The following OAS3 variants were observed in gnomAD, a reference collection of about 807,000 sequenced individuals.
OAS3 encodes the protein 2'-5'-oligoadenylate synthetase 3.
Under a neutral mutation model 113.0 loss-of-function variants are expected in OAS3, and 107 were observed. That is an observed-to-expected ratio of 0.95 (90% CI 0.81 to 1.11). OAS3 has a LOEUF of 1.11. Ranked by LOEUF, OAS3 falls within the 50% of genes most tolerant of loss-of-function variation. The pLI, the probability that OAS3 is intolerant of heterozygous loss-of-function variation, is 0.00. For synonymous variants in OAS3, 552 were observed against 573.6 expected, an observed-to-expected ratio of 0.96 and a Z score of 0.54; for missense variants, 1,258 against 1,389.1, an observed-to-expected ratio of 0.91 and a Z score of 1.50.
rs1460712828 is a variant in OAS3, at chr12:112,938,593, G to A, written c.63G>A (p.Pro21=). ...GGTTCGTGGCCAGAAGGCTGCAGCC[G>A]CGGAAGGAGTTCGTAGAGAAGGCGC... ...LDRFVARRLQ[P]RKEFVEKARR... is the part of the protein sequence containing the mutation. The change falls in exon 1 of 16, where the codon CCG becomes CCA. Residue 21 remains proline (P), a synonymous_variant. Coordinates refer to ENST00000228928, the MANE Select transcript of OAS3 (RefSeq NM_006187.4). 45 of 1,610,422 alleles carry A rather than the reference G, an allele frequency of 2.8e-5. No individual in the cohort carries two copies. The highest frequency in any genetic ancestry group is 3.7e-5 in the Non-Finnish European group (44 of 1,178,936).
chr12:112,971,796 G>A lies in OAS3; in HGVS notation c.*1823G>A, dbSNP rs886472554. On this transcript the variant is annotated 3_prime_UTR_variant, in exon 16 of 16. Coordinates refer to ENST00000228928, the MANE Select transcript of OAS3 (RefSeq NM_006187.4). ...TCTTTGGCTCAGCCTACAGAGACTA[G>A]AGTAGGTGAAGGGACAGAGGACAGG... 1 of 152,254 alleles carries A rather than the reference G, an allele frequency of 6.6e-6. No individual in the cohort carries two copies. The highest frequency in any genetic ancestry group is 1.5e-5 in the Non-Finnish European group (1 of 68,064). The allele number at this position is 152,254 out of a possible 1,614,324, so 9.4% of individuals were successfully genotyped here.
At chr12:112,967,304 G>A in intron 12 of OAS3, 114 bp from the exon 13 acceptor site, 2 of 1,027,450 alleles carry the variant, frequency 1.9e-6, no homozygotes, top group Non-Finnish European at 2.8e-6. Context: ...GTGGATCCCA[G>A]ACCACCCTTA....
intron 7 of OAS3, among the ~76,000 whole-genome samples, chr12:112,953,400 G>C (rs910190622): frequency 4.6e-5 from 7 of 152,290 alleles, no homozygotes; most frequent in African/African-American, 1.4e-4. Context: ...ATGGACATTT[G>C]GGTTGGTTCC....
Position 112,968,188 on chromosome 12 carries a change from C to G in OAS3, c.3104+14C>G. The G allele has an allele frequency of 1.2e-6, 2 of 1,601,084 alleles. No individual in the cohort carries two copies. The highest frequency in any genetic ancestry group is 1.1e-5 in the South Asian group (1 of 89,612). ...TCAGAAGCCCAGGTTCAGGTCTACC[C>G]CCAATGTTCCAGAATTTCAAACCTG... On this transcript the variant is annotated intron_variant, in intron 14 of 15. Coordinates refer to ENST00000228928, the MANE Select transcript of OAS3 (RefSeq NM_006187.4).
At chr12:112,967,151 C>A (rs2043941262) in intron 12 of OAS3, among the ~76,000 whole-genome samples, 1 of 152,174 alleles carries the variant, frequency 6.6e-6, no homozygotes, top group South Asian at 2.1e-4. Flanking sequence ...TAAAGACAGG[C>A]TAGCTCCCAG....
intron 7 of OAS3, among the ~76,000 whole-genome samples, chr12:112,951,768 G>C (rs549493766): frequency 1.3e-5 from 2 of 150,288 alleles, no homozygotes; most frequent in African/African-American, 4.9e-5. Flanking sequence ...AGGCCAATGC[G>C]GGCAGGTCAC....
In OAS3 at chr12:112,938,622, G is replaced by A. The variant is rs775461414; in HGVS notation, c.92G>A (p.Arg31His). 1.9e-6 allele frequency: 3 copies of A among 1,608,258 alleles called. No homozygotes were observed. Among genetic ancestry groups the A allele is most frequent in the Middle Eastern group, 1.8e-4 (1 of 5,522 alleles). ...PRKEFVEKARRALGALAAALR... is the reference protein window; with the variant it reads ...PRKEFVEKARHALGALAAALR... ...AAGGAGTTCGTAGAGAAGGCGCGGCGCGCTCTGGGCGCCCTGGCCGCTGCC... is the reference window on the plus strand; with the variant it reads ...AAGGAGTTCGTAGAGAAGGCGCGGCACGCTCTGGGCGCCCTGGCCGCTGCC... The change falls in exon 1 of 16, where the codon CGC becomes CAC. Residue 31 changes from arginine (R) to histidine (H), a missense_variant. By Grantham distance (29) the Arg-to-His change is conservative (BLOSUM62 0). Coordinates refer to ENST00000228928, the MANE Select transcript of OAS3 (RefSeq NM_006187.4).
chr12:112,955,354 C>A (rs2043823684), intron 7 of OAS3, among the ~76,000 whole-genome samples: 1 of 152,210 alleles, frequency 6.6e-6, no homozygotes, highest in Admixed American at 6.5e-5. Context: ...ACTTCCAACA[C>A]TATGTTGAAT....
intron 7 of OAS3, among the ~76,000 whole-genome samples, chr12:112,952,169 T>A (rs980219232): frequency 3.7e-4 from 56 of 152,348 alleles, no homozygotes; most frequent in African/African-American, 1.3e-3. Flanking sequence ...TTCCTTGCAA[T>A]TCTGTAAATT....
chr12:112,961,197 C>T lies in OAS3; in HGVS notation c.1784C>T (p.Pro595Leu). 1 of 1,613,240 alleles carries T rather than the reference C, an allele frequency of 6.2e-7. No individual in the cohort carries two copies. The highest frequency in any genetic ancestry group is 1.1e-5 in the South Asian group (1 of 91,078). ...ELRRNFMNIR[P>L]VKLKNLILLV... Reference sequence around the variant, plus strand: ...CGGAGGAACTTCATGAACATTCGCCCTGTCAAGCTGAAGAACCTGATTCTG... The same window carrying T: ...CGGAGGAACTTCATGAACATTCGCCTTGTCAAGCTGAAGAACCTGATTCTG... Residue 595 changes from proline (P) to leucine (L), a missense_variant, in exon 8 of 16, where the codon CCT becomes CTT. Coordinates refer to ENST00000228928, the MANE Select transcript of OAS3 (RefSeq NM_006187.4).
At position 112,938,547 on chromosome 12, in the gene OAS3, C is replaced by A. The variant is rs770111826; in HGVS notation, c.17C>A (p.Thr6Asn). 3 of 1,607,818 alleles carry A rather than the reference C, an allele frequency of 1.9e-6. No individual in the cohort carries two copies. The highest frequency in any genetic ancestry group is 2.2e-5 in the East Asian group (1 of 44,446). MDLYS[T>N]PAAALDRFVA... ...CGGGCGGCCATGGACTTGTACAGCA[C>A]CCCGGCCGCTGCGCTGGACAGGTTC... The change falls in exon 1 of 16, where the codon ACC becomes AAC. Residue 6 changes from threonine to asparagine, a missense_variant. Coordinates refer to ENST00000228928, the MANE Select transcript of OAS3 (RefSeq NM_006187.4).
At chr12:112,959,759 A>G (rs1168916430) in intron 7 of OAS3, among the ~76,000 whole-genome samples, 1 of 152,000 alleles carries the variant, frequency 6.6e-6, no homozygotes, top group African/African-American at 2.4e-5. Context: ...CTGGTTTATA[A>G]ACTCTATTCA....
Position 112,944,552 on chromosome 12 carries a change from G to T in OAS3, c.537G>T (p.Glu179Asp). The change falls in exon 3 of 16, where the codon GAG (glutamate) becomes GAT (aspartate). Residue 179 changes from glutamate (E) to aspartate (D), a missense_variant. Coordinates refer to ENST00000228928, the MANE Select transcript of OAS3 (RefSeq NM_006187.4). Reference protein sequence around the residue: ...TLLNSGCQGGEHAACFTELRR... With the variant: ...TLLNSGCQGGDHAACFTELRR... ...TCAACAGTGGCTGCCAAGGGGGCGA[G>T]CATGCGGCCTGCTTCACAGAGCTGC... 1 of 1,614,064 alleles carries T rather than the reference G, an allele frequency of 6.2e-7. No individual in the cohort carries two copies. The highest frequency in any genetic ancestry group is 1.1e-5 in the South Asian group (1 of 91,086).
At chr12:112,947,901 A>G (rs1453095465) in intron 4 of OAS3, 45 bp from the exon 5 acceptor site, 3 of 1,518,650 alleles carry the variant, frequency 2.0e-6, no homozygotes, top group Non-Finnish European at 2.7e-6. Flanking sequence ...TTCACTCCAG[A>G]GCCCTCTTGC....
chr12:112,945,005 T>G (rs1216728440), intron 3 of OAS3: 2 of 333,816 alleles, frequency 6.0e-6, no homozygotes, highest in Non-Finnish European at 1.2e-5. Context: ...ATTCTTTGTG[T>G]GTCTTAAGAA....
intron 1 of OAS3, 134 bp downstream of exon 1, chr12:112,938,841 A>G (rs2043654020): frequency 1.3e-6 from 1 of 752,100 alleles, no homozygotes; most frequent in Non-Finnish European, 2.0e-6. Flanking sequence ...AAATACTTCC[A>G]ATGTGCCAGC....
Position 112,950,821 on chromosome 12 carries a change from A to G in OAS3, c.1503A>G (p.Arg501=), listed in dbSNP as rs943738363. The G allele has an allele frequency of 6.2e-6, 10 of 1,613,904 alleles. No homozygotes were observed. Among genetic ancestry groups the G allele is most frequent in the Admixed American group, 1.7e-5 (1 of 60,006 alleles). The part of the protein sequence containing the change: ...PRRAEILDEM[R]AQLESWWQDQ... ...GCGCAGAGATCCTTGATGAGATGCG[A>G]GCGCAGCTAGAATCCTGGTGGCAGG... is the stretch of plus-strand genomic sequence containing the variant. Residue 501 remains arginine, a synonymous_variant, in exon 7 of 16, where the codon CGA becomes CGG. Coordinates refer to ENST00000228928, the MANE Select transcript of OAS3 (RefSeq NM_006187.4).
In OAS3 at chr12:112,954,757, T is replaced by C. The variant is rs1330135981; in HGVS notation, c.1657+3782T>C. On this transcript the variant is annotated intron_variant, in intron 7 of 15. Coordinates refer to ENST00000228928, the MANE Select transcript of OAS3 (RefSeq NM_006187.4). The surrounding 1 kb of genome is among the most constrained non-coding windows in gnomAD (Gnocchi z 4.0). ...TATAGTTTGAAGTCAGGTAGCGTGA[T>C]GCCTCCAGCTTTGTTCTTTTGGCTT... Among the ~76,000 whole-genome samples the C allele has an allele frequency of 1.3e-5, 2 of 152,244 alleles. No homozygotes were observed. Among genetic ancestry groups the C allele is most frequent in the African/African-American group, 4.8e-5 (2 of 41,468 alleles).
intron 4 of OAS3, 128 bp downstream of exon 4, chr12:112,947,109 A>G: frequency 1.4e-6 from 1 of 697,972 alleles, no homozygotes. Flanking sequence ...CTACATGTAC[A>G]TGTTTTAATT....
Sources: gnomAD v4.1 joint callset for allele counts (sites outside exome capture counted in the v4.1 genomes callset) on GRCh38, gnomAD v4.1.1 for gene constraint, Gnocchi (gnomAD v3.1) non-coding constraint, MANE v1.5 for transcripts, NCBI Gene and HGNC (gene_info 2026-07-23, HGNC 2026-07-21) for gene names.